PRSS23: variants seen among roughly 807,000 people sequenced by gnomAD.
PRSS23 encodes protease, serine 23.
A neutral mutation model predicts 34.7 loss-of-function variants in PRSS23; 25 were observed. The ratio of observed to expected loss-of-function variants is 0.72; its 90% confidence interval spans 0.53 to 1.01. PRSS23 has a LOEUF of 1.01. PRSS23 is among the 50% of genes least tolerant of loss of function. The pLI is 0.00. For synonymous variants in PRSS23, 176 were observed against 186.6 expected (o/e 0.94, Z 0.46); for missense variants, 445 against 475.6 (o/e 0.94, Z 0.60).
exon 3 of PRSS23, chr11:86,951,585 C>A: frequency 6.2e-7 from 1 of 1,614,134 alleles, no homozygotes; most frequent in South Asian, 1.1e-5. Context: ...GGAGCCACCA[C>A]GAACCCGGTG....
chr11:86,791,894 T>C (rs1224763041), intron 1 of PRSS23, among the ~76,000 whole-genome samples: 1 of 152,230 alleles, frequency 6.6e-6, no homozygotes, highest in African/African-American at 2.4e-5. Flanking sequence ...TGAGCTTTTA[T>C]ACCAGTAGCT....
intron 2 of PRSS23, among the ~76,000 whole-genome samples, chr11:86,831,062 T>G (rs1314577565): frequency 6.6e-6 from 1 of 152,114 alleles, no homozygotes; most frequent in Non-Finnish European, 1.5e-5. Flanking sequence ...CAACGGGGTT[T>G]ACAACTTGTA....
chr11:86,913,996 G>GGAGTTT (rs1948995118), intron 2 of PRSS23, among the ~76,000 whole-genome samples: 1 of 146,156 alleles, frequency 6.8e-6, no homozygotes, highest in Non-Finnish European at 1.5e-5. Context: ...CCTGAGGTCA[G>GGAGTTT]GAGTTTGAGA....
intron 2 of PRSS23, chr11:86,950,639 C>T (rs1469227010): frequency 5.2e-6 from 1 of 192,446 alleles, no homozygotes; most frequent in Non-Finnish European, 1.1e-5. Context: ...TATGTTACAT[C>T]AGCCAAACTA....
At chr11:86,878,861 C>G (rs1338365427) in intron 2 of PRSS23, among the ~76,000 whole-genome samples, 1 of 150,846 alleles carries the variant, frequency 6.6e-6, no homozygotes, top group Non-Finnish European at 1.5e-5. Context: ...AAGTGAGGAG[C>G]GCCTCTTCCC....
intron 2 of PRSS23, among the ~76,000 whole-genome samples, chr11:86,851,551 G>A (rs1948529543): frequency 6.6e-6 from 1 of 152,244 alleles, no homozygotes; most frequent in Non-Finnish European, 1.5e-5. Flanking sequence ...CAAATGCCAT[G>A]AGTCTGGACG....
intron 2 of PRSS23, among the ~76,000 whole-genome samples, chr11:86,903,971 AG>A (rs34481165): frequency 0.34 from 51,242 of 151,956 alleles, 10,186 homozygotes; most frequent in Non-Finnish European, 0.44. Context: ...GTGCTGAAAT[AG>A]GGCTGCTTGA....
intron 2 of PRSS23, among the ~76,000 whole-genome samples, chr11:86,846,416 T>A (rs1001176634): frequency 1.3e-5 from 2 of 152,018 alleles, no homozygotes; most frequent in African/African-American, 4.8e-5. Context: ...GACACGGGTG[T>A]CAGGCTGTCT....
intron 2 of PRSS23, among the ~76,000 whole-genome samples, chr11:86,827,210 G>A (rs1251795655): frequency 1.3e-5 from 2 of 152,108 alleles, no homozygotes; most frequent in Admixed American, 1.3e-4. Flanking sequence ...CTTCTTCCTG[G>A]TTTAGTCTTG....
At chr11:86,850,030 A>G (rs1948517235) in intron 2 of PRSS23, among the ~76,000 whole-genome samples, 1 of 152,194 alleles carries the variant, frequency 6.6e-6, no homozygotes, top group South Asian at 2.1e-4. Flanking sequence ...AGAAAGTAGG[A>G]AAAAGGAGCT....
chr11:86,861,800 G>C (rs1948617557), intron 2 of PRSS23, among the ~76,000 whole-genome samples: 1 of 151,792 alleles, frequency 6.6e-6, no homozygotes, highest in Non-Finnish European at 1.5e-5. Flanking sequence ...TGTCTGATAG[G>C]GTGTACACGC....
intron 2 of PRSS23, among the ~76,000 whole-genome samples, chr11:86,842,113 C>G (rs539129462): frequency 6.6e-6 from 1 of 152,310 alleles, no homozygotes; most frequent in East Asian, 1.9e-4. Flanking sequence ...CCCTGGGATG[C>G]AAGGCTTGTT....
At chr11:86,840,776 C>A (rs1948441557) in intron 2 of PRSS23, among the ~76,000 whole-genome samples, 1 of 152,166 alleles carries the variant, frequency 6.6e-6, no homozygotes, top group Non-Finnish European at 1.5e-5. Context: ...GACCACAGTG[C>A]AATCAAAGTA....
chr11:86,800,381 T>C, upstream of PRSS23: 2 of 918,544 alleles, frequency 2.2e-6, no homozygotes, highest in Non-Finnish European at 2.6e-6. Context: ...TCCACCCTGC[T>C]CCGGCCGCAG....
At chr11:86,797,478 G>C (rs200655721), upstream of PRSS23, among the ~76,000 whole-genome samples, 4 of 152,328 alleles carry the variant, frequency 2.6e-5, no homozygotes, top group East Asian at 7.7e-4. Flanking sequence ...GCCCCCGTGG[G>C]ACATCTGTAG....
At chr11:86,914,868 T>C (rs920033908) in intron 2 of PRSS23, among the ~76,000 whole-genome samples, 9 of 152,252 alleles carry the variant, frequency 5.9e-5, no homozygotes, top group Non-Finnish European at 8.8e-5. Context: ...TAGAATGTAC[T>C]GAGTTGCTGA....
At chr11:86,842,507 C>T (rs2134906005) in intron 2 of PRSS23, among the ~76,000 whole-genome samples, 1 of 152,304 alleles carries the variant, frequency 6.6e-6, no homozygotes, top group African/African-American at 2.4e-5. Context: ...TTGCAGACGA[C>T]ATGATTGTAT....
chr11:86,889,129 C>G (rs920979130), intron 2 of PRSS23, among the ~76,000 whole-genome samples: 1 of 152,196 alleles, frequency 6.6e-6, no homozygotes, highest in South Asian at 2.1e-4. Flanking sequence ...GGTTAAGCAG[C>G]CTTTGATGAG....
intron 2 of PRSS23, among the ~76,000 whole-genome samples, chr11:86,832,218 G>T (rs1948363443): frequency 6.6e-6 from 1 of 151,950 alleles, no homozygotes; most frequent in African/African-American, 2.4e-5. Flanking sequence ...TATCACAGTG[G>T]GTGTACCACA....
Sources: allele counts gnomAD v4.1 joint callset (sites outside exome capture counted in the v4.1 genomes callset), GRCh38; gene constraint gnomAD v4.1.1; transcripts MANE v1.5; gene names NCBI Gene and HGNC (gene_info 2026-07-23, HGNC 2026-07-21).